BCL2L1: variants seen among roughly 807,000 people sequenced by gnomAD.
BCL2L1 encodes the protein bcl-2-like protein 1.
BCL2L1 carries 1 observed loss-of-function variant against 18.7 expected under a neutral mutation model. The observed-to-expected ratio is 0.05, with a 90% CI of 0.02 to 0.25. BCL2L1 has a LOEUF of 0.25. BCL2L1 is among the 10% of genes least tolerant of loss of function. BCL2L1 has a pLI of 1.00. For missense variants in BCL2L1, 207 were observed against 304.9 expected, an observed-to-expected ratio of 0.68 and a Z score of 2.39; for synonymous variants, 103 against 122.7, an observed-to-expected ratio of 0.84 and a Z score of 1.06.
intron 2 of BCL2L1, among the ~76,000 whole-genome samples, chr20:31,681,712 T>A (rs1281695908): frequency 6.6e-6 from 1 of 152,046 alleles, no homozygotes; most frequent in Non-Finnish European, 1.5e-5. Flanking sequence ...ACTGTGGGAG[T>A]TGCCTGCCCT....
At chr20:31,720,200 A>C in intron 2 of BCL2L1, 1 of 969,500 alleles carries the variant, frequency 1.0e-6, no homozygotes, top group African/African-American at 1.8e-5. Context: ...GACGAGTTGA[A>C]ATTGCAAAGA....
chr20:31,665,817 G>C lies in BCL2L1; in HGVS notation c.*132C>G. ...AACTAGCTGCAAGGGACCAGATCTG[G>C]GCCCAACCCTGTGATGGGCAGGTGG... On this transcript the variant is annotated 3_prime_UTR_variant, in exon 3 of 3. Coordinates refer to ENST00000307677, the MANE Select transcript of BCL2L1 (RefSeq NM_138578.3). The C allele has an allele frequency of 8.0e-6, 10 of 1,244,834 alleles. No individual in the cohort carries two copies. In the South Asian group the frequency reaches 1.4e-4, roughly 18 times the overall value. The allele number at this position is 1,244,834 out of a possible 1,614,324, so 77.1% of individuals were successfully genotyped here.
intron 2 of BCL2L1, among the ~76,000 whole-genome samples, chr20:31,668,526 CAA>C (rs1206658583): frequency 6.6e-6 from 1 of 151,482 alleles, no homozygotes; most frequent in Non-Finnish European, 1.5e-5. Flanking sequence ...AGGCTGGTCT[CAA>C]ACTCCTGACC....
chr20:31,694,338 G>A (rs2061132954), intron 2 of BCL2L1, among the ~76,000 whole-genome samples: 1 of 152,054 alleles, frequency 6.6e-6, no homozygotes, highest in South Asian at 2.1e-4. Context: ...GGATGGGGGT[G>A]GGGAAGGAAG....
At chr20:31,720,842 G>C (rs1291683808) in intron 2 of BCL2L1, 1 of 985,292 alleles carries the variant, frequency 1.0e-6, no homozygotes, top group Non-Finnish European at 1.2e-6. Context: ...TGCTTTGCCA[G>C]CAAACAGTGC....
chr20:31,696,823 A>T (rs961922462), intron 2 of BCL2L1, among the ~76,000 whole-genome samples: 6 of 152,060 alleles, frequency 3.9e-5, no homozygotes, highest in Non-Finnish European at 8.8e-5. Context: ...TGGGAAGCCG[A>T]GGCGGGTGGA....
chr20:31,672,029 T>C (rs2060678916), intron 2 of BCL2L1, among the ~76,000 whole-genome samples: 1 of 147,678 alleles, frequency 6.8e-6, no homozygotes, highest in South Asian at 2.1e-4. Flanking sequence ...CAAAAAAATC[T>C]GAAAAAGACT....
At chr20:31,706,238 G>A (rs1206424512) in intron 2 of BCL2L1, among the ~76,000 whole-genome samples, 1 of 152,140 alleles carries the variant, frequency 6.6e-6, no homozygotes, top group Non-Finnish European at 1.5e-5. Flanking sequence ...AGCGTAGGCA[G>A]GTAAGGACAA....
intron 2 of BCL2L1, among the ~76,000 whole-genome samples, chr20:31,680,080 T>C (rs1490293907): frequency 6.6e-6 from 1 of 152,228 alleles, no homozygotes; most frequent in African/African-American, 2.4e-5. Context: ...AGCTAGTATT[T>C]GCTGAACTAA....
intron 2 of BCL2L1, among the ~76,000 whole-genome samples, chr20:31,674,200 A>C (rs1282264909): frequency 6.6e-6 from 1 of 152,164 alleles, no homozygotes; most frequent in Admixed American, 6.5e-5. Flanking sequence ...TGACTTCCTT[A>C]GTGACTTCAG....
At chr20:31,714,582 C>G (rs912508227) in intron 2 of BCL2L1, among the ~76,000 whole-genome samples, 1 of 152,116 alleles carries the variant, frequency 6.6e-6, no homozygotes, top group Admixed American at 6.6e-5. Context: ...ACCATCGCCC[C>G]CTGTGAGGCA....
intron 2 of BCL2L1, among the ~76,000 whole-genome samples, chr20:31,693,144 A>G (rs955494115): frequency 7.0e-6 from 1 of 143,572 alleles, no homozygotes; most frequent in African/African-American, 2.7e-5. Flanking sequence ...ATATATACCT[A>G]TATATATATA....
In BCL2L1 at chr20:31,665,956, C is replaced by T. The variant is rs1388146136; in HGVS notation, c.695G>A (p.Arg232Gln). 1.2e-6 allele frequency: 2 copies of T among 1,613,478 alleles called. No homozygotes were observed. The highest frequency in any genetic ancestry group is 8.5e-7 in the Non-Finnish European group (1 of 1,179,956). The change falls in exon 3 of 3, where the codon CGG becomes CAG. Residue 232 changes from arginine to glutamine, a missense_variant. By Grantham distance (43) the Arg-to-Gln change is conservative. Coordinates refer to ENST00000307677, the MANE Select transcript of BCL2L1 (RefSeq NM_138578.3). Reference protein sequence around the residue: ...GVVLLGSLFSRK With the variant: ...GVVLLGSLFSQK The stretch of plus-strand genomic sequence containing the variant: ...TGGATGGTCAGTGTCTGGTCATTTC[C>T]GACTGAAGAGTGAGCCCAGCAGAAC...
At chr20:31,721,536 C>T in intron 2 of BCL2L1, 119 bp downstream of exon 2, 1 of 1,265,006 alleles carries the variant, frequency 7.9e-7, no homozygotes, top group Non-Finnish European at 1.1e-6. Context: ...CAGGTTTCCT[C>T]AACTATCAAC....
intron 2 of BCL2L1, among the ~76,000 whole-genome samples, chr20:31,672,986 AACTGTGCCC>A (rs898841024): frequency 6.6e-6 from 1 of 151,566 alleles, no homozygotes; most frequent in Non-Finnish European, 1.5e-5. Flanking sequence ...AGGCATGAGC[AACTGTGCCC>A]ACCCTTCCCA....
intron 2 of BCL2L1, among the ~76,000 whole-genome samples, chr20:31,701,558 C>T (rs893736599): frequency 6.6e-5 from 10 of 152,170 alleles, no homozygotes; most frequent in African/African-American, 2.4e-4. Flanking sequence ...TATGAATTTT[C>T]CTAAGTTGCT....
intron 2 of BCL2L1, among the ~76,000 whole-genome samples, chr20:31,708,203 T>A (rs1412610867): frequency 6.6e-6 from 1 of 152,238 alleles, no homozygotes; most frequent in Non-Finnish European, 1.5e-5. Flanking sequence ...TTCCCATTTG[T>A]CACTCACCAA....
chr20:31,683,855 G>A (rs1419066556), intron 2 of BCL2L1, among the ~76,000 whole-genome samples: 2 of 149,482 alleles, frequency 1.3e-5, no homozygotes, highest in African/African-American at 2.4e-5. Flanking sequence ...TAGAATAGTG[G>A]TTGACAGATA....
intron 2 of BCL2L1, among the ~76,000 whole-genome samples, chr20:31,702,722 G>T (rs1170675192): frequency 6.6e-6 from 1 of 151,620 alleles, no homozygotes; most frequent in African/African-American, 2.4e-5. Flanking sequence ...ATGTTGGTCA[G>T]GCTGGTCTCG....
Sources: gnomAD v4.1 joint callset for allele counts (sites outside exome capture counted in the v4.1 genomes callset) on GRCh38, gnomAD v4.1.1 for gene constraint, MANE v1.5 for transcripts, NCBI Gene and HGNC (gene_info 2026-07-23, HGNC 2026-07-21) for gene names.